Variants in GATA6 observed in about 807,000 individuals in gnomAD.
GATA6 encodes GATA binding protein 6, also known as transcription factor GATA-6.
In GATA6, 11 loss-of-function variants were observed where a neutral mutation model predicts 48.1. The ratio of observed to expected loss-of-function variants is 0.23; its 90% CI spans 0.14 to 0.38. GATA6 has a LOEUF of 0.38. Ranked by LOEUF, GATA6 falls within the 10% of genes least tolerant of loss-of-function variation. The probability of loss-of-function intolerance (pLI) is 1.00; values close to 1 mark genes in which losing one functional copy is unlikely to be tolerated. For synonymous variants in GATA6, 419 were observed against 396.1 expected (o/e 1.06, Z -0.69); for missense variants, 795 against 850.3 (o/e 0.93, Z 0.81).
intron 2 of GATA6, among the ~76,000 whole-genome samples, chr18:22,174,483 G>A (rs578071639): frequency 2.2e-4 from 33 of 152,216 alleles, no homozygotes; most frequent in African/African-American, 7.9e-4. Flanking sequence ...GCACACCACA[G>A]TTAGAGGAAT....
chr18:22,188,692 GT>G (rs2033293219), intron 6 of GATA6, among the ~76,000 whole-genome samples: 1 of 152,190 alleles, frequency 6.6e-6, no homozygotes, highest in African/African-American at 2.4e-5. Context: ...GGAGCGTTCT[GT>G]ATTTTGATAA....
Position 22,183,025 on chromosome 18 carries a change from A to G in GATA6, c.1602A>G (p.Thr534=), listed in dbSNP as rs146949786. ...DDCSKNTSPT[T]QPTASGAGAP... is the part of the protein sequence containing the mutation. ...GCAGCAAAAATACTTCCCCCACAAC[A>G]CAACCTACAGCCTCAGGGGTAAGTA... The change falls in exon 6 of 7, where the codon ACA becomes ACG. Residue 534 remains threonine, a synonymous_variant. Coordinates refer to ENST00000269216, the MANE Select transcript of GATA6 (RefSeq NM_005257.6). 7,160 of 1,612,956 alleles carry G rather than the reference A, an allele frequency of 4.4e-3. 22 individuals carry two copies. Among genetic ancestry groups the G allele is most frequent in the Non-Finnish European group, 5.6e-3 (6,580 of 1,178,940 alleles).
rs2033023988 is a variant in GATA6 at position 22,170,841 on chromosome 18, G to C, written c.-37-267G>C. ...GGCCGAGGGGGTGGGCGGGGAGGAC[G>C]CGGGGACCGGAGCGGTGCCTTTGAG... is the stretch of plus-strand genomic sequence containing the variant. On this transcript the variant is annotated intron_variant, in intron 1 of 6. Coordinates refer to ENST00000269216, the MANE Select transcript of GATA6 (RefSeq NM_005257.6). The surrounding 1 kb of genome is among the most constrained non-coding windows in gnomAD (Gnocchi z 6.7). 6.2e-6 allele frequency: 3 copies of C among 485,802 alleles called. No homozygotes were observed. The highest frequency in any genetic ancestry group is 7.3e-5 in the East Asian group (2 of 27,260). 30.1% of individuals were successfully genotyped at this position (485,802 alleles called of 1,614,324 possible). A position where few individuals can be genotyped will look rare whatever the true frequency, so the allele number is the denominator to read the frequency against.
At chr18:22,175,044 C>T (rs758704235) in intron 2 of GATA6, among the ~76,000 whole-genome samples, 3 of 152,036 alleles carry the variant, frequency 2.0e-5, no homozygotes, top group Non-Finnish European at 2.9e-5. Context: ...CCAAGGGCAC[C>T]GCAAACAGCC....
chr18:22,171,105 C>G lies in GATA6; in HGVS notation c.-37-3C>G. 6.3e-7 allele frequency: 1 copy of G among 1,578,040 alleles called. No individual in the cohort carries two copies. Among genetic ancestry groups the G allele is most frequent in the African/African-American group, 1.3e-5 (1 of 74,618 alleles). On this transcript the variant is annotated splice_region_variant and splice_polypyrimidine_tract_variant and intron_variant, in intron 1 of 6. Coordinates refer to ENST00000269216, the MANE Select transcript of GATA6 (RefSeq NM_005257.6). The surrounding 1 kb of genome is among the most constrained non-coding windows in gnomAD (Gnocchi z 7.1). ...CATACCCGTCTCCCCCACCCCACCT[C>G]AGGAGCTAGACGTCAGCTTGGAGCG...
chr18:22,192,026 T>C (rs2033332921), intron 6 of GATA6, among the ~76,000 whole-genome samples: 1 of 152,240 alleles, frequency 6.6e-6, no homozygotes, highest in African/African-American at 2.4e-5. Flanking sequence ...CACAAGTATT[T>C]TACATTTAAA....
chr18:22,183,814 G>C (rs918286236), intron 6 of GATA6, among the ~76,000 whole-genome samples: 1 of 152,192 alleles, frequency 6.6e-6, no homozygotes, highest in African/African-American at 2.4e-5. Flanking sequence ...AAAATACTGG[G>C]CCTTCCCTCA....
intron 6 of GATA6, among the ~76,000 whole-genome samples, chr18:22,200,321 C>T (rs911591705): frequency 1.2e-4 from 19 of 152,218 alleles, no homozygotes; most frequent in Non-Finnish European, 2.6e-4. Flanking sequence ...GATCTTAGAG[C>T]TTGGCACTTT....
At chr18:22,200,216 C>T (rs1230099544) in intron 6 of GATA6, among the ~76,000 whole-genome samples, 1 of 152,048 alleles carries the variant, frequency 6.6e-6, no homozygotes, top group African/African-American at 2.4e-5. Flanking sequence ...CGCACGCATG[C>T]GTGCGCTCTG....
At chr18:22,190,505 T>G (rs1022829499) in intron 6 of GATA6, among the ~76,000 whole-genome samples, 2 of 148,952 alleles carry the variant, frequency 1.3e-5, no homozygotes, top group African/African-American at 2.5e-5. Flanking sequence ...GAAGTGCCTG[T>G]TTTTTTTTTC....
chr18:22,188,169 G>T (rs553049800), intron 6 of GATA6, among the ~76,000 whole-genome samples: 1 of 152,166 alleles, frequency 6.6e-6, no homozygotes. Flanking sequence ...TAAACATAAA[G>T]TGTTGAAGTT....
At position 22,202,116 on chromosome 18, in the gene GATA6, C is replaced by G. The variant is rs111924382; in HGVS notation, c.*1293C>G. 1 of 152,034 alleles carries G rather than the reference C, an allele frequency of 6.6e-6. No individual in the cohort carries two copies. Among genetic ancestry groups the G allele is most frequent in the Non-Finnish European group, 1.5e-5 (1 of 68,006 alleles). The allele number at this position is 152,034 out of a possible 1,614,324, so 9.4% of individuals were successfully genotyped here. On this transcript the variant is annotated 3_prime_UTR_variant, in exon 7 of 7. Transcript: ENST00000269216. Reference sequence around the variant, plus strand: ...TTTCAAAGCATAGTCCTTTTGGAGCCGTTTTGTACCTTTTATACCTTGGCT... The same window carrying G: ...TTTCAAAGCATAGTCCTTTTGGAGCGGTTTTGTACCTTTTATACCTTGGCT...
rs538967383 is a variant in GATA6, at chr18:22,200,878, G to A, written c.*55G>A. 1.5e-4 allele frequency: 228 copies of A among 1,549,114 alleles called. No individual in the cohort carries two copies. In the African/African-American group the frequency reaches 2.9e-3, roughly 20 times the overall value. On this transcript the variant is annotated 3_prime_UTR_variant, in exon 7 of 7. Coordinates refer to ENST00000269216, the MANE Select transcript of GATA6 (RefSeq NM_005257.6). ...CCGCCGCGGGCCTCACTCCACTCGT[G>A]TCTGCTTTTGTGCAGCGGTCCAGAC...
chr18:22,172,349 T>A lies in GATA6; in HGVS notation c.1135+70T>A. ...GGGCGCACGGGGGACGTGGAGCAGC[T>A]GCTCCACTCGGGCCCTGTTTTCAGG... is the stretch of plus-strand genomic sequence containing the variant. On this transcript the variant is annotated intron_variant, in intron 2 of 6. Transcript: ENST00000269216. The surrounding 1 kb of genome is among the most constrained non-coding windows in gnomAD (Gnocchi z 5.2). 5 of 1,503,078 alleles carry A rather than the reference T, an allele frequency of 3.3e-6. No individual in the cohort carries two copies. The African/African-American group carries it at 5.5e-5, about 17-fold the overall frequency. The allele number at this position is 1,503,078 out of a possible 1,614,324, so 93.1% of individuals were successfully genotyped here.
rs2143280247 is a variant in GATA6 at position 22,172,677 on chromosome 18, C to T, written c.1135+398C>T. Reference sequence around the variant, plus strand: ...CTTTGGGTGAGTGGAAGAAATTCCACGATGGGAGTAAGTTTGGGAGAGTGG... The same window carrying T: ...CTTTGGGTGAGTGGAAGAAATTCCATGATGGGAGTAAGTTTGGGAGAGTGG... On this transcript the variant is annotated intron_variant, in intron 2 of 6. Coordinates refer to ENST00000269216, the MANE Select transcript of GATA6 (RefSeq NM_005257.6). The surrounding 1 kb of genome is among the most constrained non-coding windows in gnomAD (Gnocchi z 5.2). 6.6e-6 allele frequency among the ~76,000 whole-genome samples: 1 copy of T among 152,278 alleles called. No homozygotes were observed. The highest frequency in any genetic ancestry group is 2.4e-5 in the African/African-American group (1 of 41,564).
At chr18:22,197,813 G>A (rs1463742820) in intron 6 of GATA6, among the ~76,000 whole-genome samples, 1 of 152,174 alleles carries the variant, frequency 6.6e-6, no homozygotes, top group Non-Finnish European at 1.5e-5. Context: ...ATACTCCTGT[G>A]TGGGCTGCCT....
At position 22,172,139 on chromosome 18, in the gene GATA6, ACC is replaced by A; in HGVS notation, c.996_997del (p.His332GlnfsTer130). The A allele has an allele frequency of 7.2e-7, 1 of 1,388,974 alleles. No individual in the cohort carries two copies. 86.0% of individuals were successfully genotyped at this position (1,388,974 alleles called of 1,614,324 possible). On this transcript the variant is annotated frameshift_variant, in exon 2 of 7. Coordinates refer to ENST00000269216, the MANE Select transcript of GATA6 (RefSeq NM_005257.6). LOFTEE classifies it high-confidence loss of function. The surrounding 1 kb of genome is among the most constrained non-coding windows in gnomAD (Gnocchi z 5.2). ...CACCACCACCACCACCACCACCACC[ACC>A]ATCCGAGCCCCTACTCGCCCTACGT...
chr18:22,190,504 G>GTTT (rs201148240), intron 6 of GATA6, among the ~76,000 whole-genome samples: 1 of 147,984 alleles, frequency 6.8e-6, no homozygotes, highest in Non-Finnish European at 1.5e-5. Context: ...TGAAGTGCCT[G>GTTT]TTTTTTTTTT....
chr18:22,190,512 T>C (rs968104290), intron 6 of GATA6, among the ~76,000 whole-genome samples: 13 of 152,308 alleles, frequency 8.5e-5, no homozygotes, highest in Admixed American at 7.2e-4. Context: ...CTGTTTTTTT[T>C]TTCAGTCTAT....
Sources: gnomAD v4.1 joint callset for allele counts (sites outside exome capture counted in the v4.1 genomes callset) on GRCh38, gnomAD v4.1.1 for gene constraint, Gnocchi (gnomAD v3.1) non-coding constraint, MANE v1.5 for transcripts, NCBI Gene and HGNC (gene_info 2026-07-23, HGNC 2026-07-21) for gene names.